Variants in SAMD5 observed in about 807,000 individuals in gnomAD.
The protein encoded by SAMD5 is sterile alpha motif domain-containing protein 5.
A neutral mutation model predicts 11.3 loss-of-function variants in SAMD5; 13 were observed. The observed-to-expected ratio is 1.15, with a 90% CI of 0.75 to 1.83. The LOEUF is 1.83. SAMD5 is among the 40% of genes most tolerant of loss of function. The pLI, the probability that SAMD5 is intolerant of heterozygous loss-of-function variation, is 0.00. For synonymous variants in SAMD5, 129 were observed against 111.3 expected (o/e 1.16, Z -1.00); for missense variants, 255 against 239.1 (o/e 1.07, Z -0.44).
chr6:147,567,427 A>G lies in SAMD5; in HGVS notation c.*2971A>G, dbSNP rs1789059899. 3.0e-6 allele frequency: 3 copies of G among 984,714 alleles called. No homozygotes were observed. Among genetic ancestry groups the G allele is most frequent in the Non-Finnish European group, 3.6e-6 (3 of 829,314 alleles). The allele number at this position is 984,714 out of a possible 1,614,324, so 61.0% of individuals were successfully genotyped here. On this transcript the variant is annotated 3_prime_UTR_variant, in exon 2 of 2. Coordinates refer to ENST00000367474, the MANE Select transcript of SAMD5 (RefSeq NM_001030060.3). ...TAAATTCTAAAATTATTCTAGTAGT[A>G]TTTTCCTGCGGTGAATCTGTTAAGG...
In SAMD5 at chr6:147,581,141, GT is replaced by G. The variant is rs567769271; in HGVS notation, c.162+71756del. On this transcript the variant is annotated intron_variant, in intron 1 of 1. Coordinates refer to the SAMD5 transcript ENST00000566741. ...ATGTGATCCCTCCTCACTGCTTCCT[GT>G]TGCTAATGGATGTGGGACGAAGGAG... 1.6e-3 allele frequency among the ~76,000 whole-genome samples: 251 copies of G among 152,282 alleles called. 2 individuals are homozygous for G. The highest frequency in any genetic ancestry group is 5.8e-3 in the African/African-American group (241 of 41,552).
At chr6:147,764,731 C>A in the SAMD5 span, among the ~76,000 whole-genome samples, 1 of 152,116 alleles carries the variant, frequency 6.6e-6, no homozygotes, top group South Asian at 2.1e-4. Flanking sequence ...AAAAACAGAG[C>A]AATATTTTTG....
chr6:147,572,675 A>G (rs533050370), downstream of SAMD5, among the ~76,000 whole-genome samples: 13 of 152,288 alleles, frequency 8.5e-5, no homozygotes, highest in East Asian at 2.5e-3. Flanking sequence ...GGATATATGC[A>G]ATTAAAACTA....
intron 1 of SAMD5, among the ~76,000 whole-genome samples, chr6:147,607,414 C>T (rs545870311): frequency 9.2e-5 from 14 of 152,240 alleles, no homozygotes; most frequent in African/African-American, 2.9e-4. Flanking sequence ...AATCACAACA[C>T]CTGACTTCAA....
intron 1 of SAMD5, among the ~76,000 whole-genome samples, chr6:147,579,193 A>G (rs1789259903): frequency 6.6e-6 from 1 of 152,250 alleles, no homozygotes; most frequent in Non-Finnish European, 1.5e-5. Flanking sequence ...CATGCAGAGA[A>G]CTTAATCTCT....
In SAMD5 at chr6:147,569,522, ATTCTG is replaced by A. The variant is rs1789103037; in HGVS notation, c.*5068_*5072del. 1.2e-6 allele frequency: 1 copy of A among 849,836 alleles called. No individual in the cohort carries two copies. Among genetic ancestry groups the A allele is most frequent in the African/African-American group, 1.8e-5 (1 of 54,516 alleles). 52.6% of individuals were successfully genotyped at this position (849,836 alleles called of 1,614,324 possible). On this transcript the variant is annotated 3_prime_UTR_variant, in exon 2 of 2. Coordinates refer to ENST00000367474, the MANE Select transcript of SAMD5 (RefSeq NM_001030060.3). ...GATGGGAAATGTCTTTTATAGGTATATTCTGTATAATACCCTTAATTAGATGAATT... is the reference window on the plus strand; with the variant it reads ...GATGGGAAATGTCTTTTATAGGTATATATAATACCCTTAATTAGATGAATT...
At chr6:147,740,297 A>C (rs1791861790), downstream of SAMD5, among the ~76,000 whole-genome samples, 1 of 152,114 alleles carries the variant, frequency 6.6e-6, no homozygotes, top group Non-Finnish European at 1.5e-5. Flanking sequence ...CTACTGCTCA[A>C]ATATCTGGGG....
At chr6:147,645,659 C>T (rs1226998458) in intron 1 of SAMD5, among the ~76,000 whole-genome samples, 3 of 152,008 alleles carry the variant, frequency 2.0e-5, no homozygotes, top group East Asian at 1.9e-4. Flanking sequence ...GGTATAAGCT[C>T]GGATAATGGT....
At chr6:147,816,307 T>TATATATATATAC in the SAMD5 span, among the ~76,000 whole-genome samples, 10 of 93,536 alleles carry the variant, frequency 1.1e-4, no homozygotes, top group East Asian at 2.7e-3. Flanking sequence ...AAAAAATATA[T>TATATATATATAC]ATATATATAT....
intron 1 of SAMD5, among the ~76,000 whole-genome samples, chr6:147,639,140 C>G (rs1488973859): frequency 1.3e-5 from 2 of 152,042 alleles, no homozygotes; most frequent in African/African-American, 4.8e-5. Context: ...ATTTTCTGAC[C>G]TTTTTTGAAT....
intron 1 of SAMD5, among the ~76,000 whole-genome samples, chr6:147,605,898 T>C (rs181702362): frequency 6.6e-6 from 1 of 152,012 alleles, no homozygotes; most frequent in East Asian, 1.9e-4. Context: ...CCATGGGGTA[T>C]GTTTGAGGCA....
At chr6:147,623,146 C>T (rs1789997594) in intron 1 of SAMD5, among the ~76,000 whole-genome samples, 1 of 152,168 alleles carries the variant, frequency 6.6e-6, no homozygotes, top group Admixed American at 6.5e-5. Flanking sequence ...GCTAAATTTG[C>T]TCTCTAGGAT....
At chr6:147,663,530 C>T (rs1005173009) in intron 1 of SAMD5, among the ~76,000 whole-genome samples, 2 of 151,976 alleles carry the variant, frequency 1.3e-5, no homozygotes, top group Non-Finnish European at 2.9e-5. Context: ...GTCTGTAATC[C>T]TAGCACTTTG....
chr6:147,548,675 T>C (rs1788722322), intron 1 of SAMD5, among the ~76,000 whole-genome samples: 1 of 152,192 alleles, frequency 6.6e-6, no homozygotes, highest in African/African-American at 2.4e-5. Context: ...TCCAAAATGA[T>C]CTGCTTTCTT....
chr6:147,796,912 G>C, the SAMD5 span, among the ~76,000 whole-genome samples: 1 of 149,082 alleles, frequency 6.7e-6, no homozygotes, highest in African/African-American at 2.5e-5. Context: ...TTTGCACATT[G>C]ATTTTGTATC....
At chr6:147,789,382 G>A in the SAMD5 span, among the ~76,000 whole-genome samples, 10 of 151,368 alleles carry the variant, frequency 6.6e-5, no homozygotes, top group Non-Finnish European at 1.2e-4. Flanking sequence ...CTTTATAACA[G>A]CACTTCCTAT....
chr6:147,915,724 C>T, the SAMD5 span, among the ~76,000 whole-genome samples: 2 of 152,020 alleles, frequency 1.3e-5, no homozygotes, highest in African/African-American at 2.4e-5. Context: ...CTGAAAGCTC[C>T]AAGAGGAAAG....
intron 1 of SAMD5, among the ~76,000 whole-genome samples, chr6:147,687,557 AC>A (rs1468904031): frequency 6.6e-6 from 1 of 151,936 alleles, no homozygotes; most frequent in East Asian, 1.9e-4. Flanking sequence ...CCCTCTTCAT[AC>A]TTCTATCTGG....
chr6:147,902,211 A>C, the SAMD5 span, among the ~76,000 whole-genome samples: 19,546 of 152,130 alleles, frequency 0.13, 1,557 homozygotes, highest in East Asian at 0.31. Context: ...ACCCTTGTTA[A>C]AACTGTGTTC....
Sources: allele counts gnomAD v4.1 joint callset (sites outside exome capture counted in the v4.1 genomes callset), GRCh38; gene constraint gnomAD v4.1.1; transcripts MANE v1.5; gene names NCBI Gene and HGNC (gene_info 2026-07-23, HGNC 2026-07-21).